Variants in CCDC73 observed in about 807,000 individuals in gnomAD.
CCDC73 encodes the protein coiled-coil domain-containing protein 73.
A neutral mutation model predicts 116.5 loss-of-function variants in CCDC73; 95 were observed. The ratio of observed to expected loss-of-function variants is 0.82; its 90% CI spans 0.69 to 0.97. The LOEUF (loss-of-function observed/expected upper bound fraction) is 0.97. Ranked by LOEUF, CCDC73 falls within the 50% of genes least tolerant of loss-of-function variation. The pLI is 0.00. For synonymous variants in CCDC73, 398 were observed against 401.3 expected (o/e 0.99, Z 0.10); for missense variants, 1,066 against 1,206.8 (o/e 0.88, Z 1.73).
At chr11:32,724,632 C>G (rs1248747787) in intron 2 of CCDC73, among the ~76,000 whole-genome samples, 1 of 151,398 alleles carries the variant, frequency 6.6e-6, no homozygotes, top group African/African-American at 2.4e-5. Context: ...TCTAGTTTTT[C>G]TTCAATAATT....
intron 2 of CCDC73, among the ~76,000 whole-genome samples, chr11:32,751,538 C>G (rs1850287532): frequency 6.6e-6 from 1 of 152,170 alleles, no homozygotes; most frequent in South Asian, 2.1e-4. Flanking sequence ...CCTGAATGCA[C>G]CCGCCATAGA....
chr11:32,737,009 C>T (rs71479177), intron 2 of CCDC73, among the ~76,000 whole-genome samples: 3 of 149,248 alleles, frequency 2.0e-5, no homozygotes, highest in African/African-American at 7.4e-5. Context: ...TATATATTCC[C>T]CAGGCTGGAC....
At chr11:32,741,624 T>A (rs930343538) in intron 2 of CCDC73, among the ~76,000 whole-genome samples, 82 of 151,834 alleles carry the variant, frequency 5.4e-4, no homozygotes, top group Non-Finnish European at 1.3e-4. Context: ...TCTTTTTTTT[T>A]AATCTATTCA....
chr11:32,603,174 A>G, intron 17 of CCDC73, 154 bp from the exon 18 acceptor site: 2 of 598,862 alleles, frequency 3.3e-6, no homozygotes, highest in Non-Finnish European at 5.8e-6. Context: ...AAAGTATACA[A>G]TGTGAATGTG....
chr11:32,710,292 T>C (rs1849888211), intron 3 of CCDC73, among the ~76,000 whole-genome samples: 1 of 152,226 alleles, frequency 6.6e-6, no homozygotes, highest in African/African-American at 2.4e-5. Context: ...CTGTATGTGC[T>C]CTTTCAGACT....
At chr11:32,617,877 T>C (rs1430202722) in intron 14 of CCDC73, among the ~76,000 whole-genome samples, 2 of 152,262 alleles carry the variant, frequency 1.3e-5, no homozygotes, top group Non-Finnish European at 2.9e-5. Context: ...CTTTTGTCTT[T>C]TAAATAATTC....
intron 12 of CCDC73, among the ~76,000 whole-genome samples, chr11:32,643,089 A>G (rs1187142515): frequency 2.0e-5 from 3 of 151,908 alleles, no homozygotes; most frequent in Non-Finnish European, 2.9e-5. Context: ...TTACATATAT[A>G]AATCCATCTC....
At chr11:32,754,422 T>C (rs887497093) in intron 2 of CCDC73, among the ~76,000 whole-genome samples, 11 of 152,068 alleles carry the variant, frequency 7.2e-5, no homozygotes, top group African/African-American at 2.7e-4. Context: ...TAGAATGACA[T>C]GGGCCAATAT....
rs1300182162 is a variant in CCDC73 at position 32,735,005 on chromosome 11, T to G, written c.136-16858A>C. 5.3e-5 allele frequency among the ~76,000 whole-genome samples: 8 copies of G among 152,312 alleles called. No individual in the cohort carries two copies. In the South Asian group the frequency reaches 1.2e-3, roughly 24 times the overall value. The stretch of plus-strand genomic sequence containing the variant: ...TAAAAACTCTCAATAAATTAGGTAT[T>G]GATGGGATGTATCTCAAAATAATAA... On this transcript the variant is annotated intron_variant, in intron 2 of 17. Coordinates refer to ENST00000335185, the MANE Select transcript of CCDC73 (RefSeq NM_001008391.4).
chr11:32,777,193 C>T (rs975749581), intron 1 of CCDC73, among the ~76,000 whole-genome samples: 3 of 149,624 alleles, frequency 2.0e-5, no homozygotes, highest in Non-Finnish European at 4.4e-5. Context: ...GCAACCTCCA[C>T]CTCCTGTGTT....
intron 1 of CCDC73, among the ~76,000 whole-genome samples, chr11:32,791,675 A>AGGC (rs1386713865): frequency 6.6e-6 from 1 of 152,198 alleles, no homozygotes; most frequent in African/African-American, 2.4e-5. Context: ...GTTCTCAGCC[A>AGGC]GGCGTGGTGG....
chr11:32,793,364 T>C (rs1327327182), intron 1 of CCDC73, among the ~76,000 whole-genome samples: 1 of 152,178 alleles, frequency 6.6e-6, no homozygotes, highest in Non-Finnish European at 1.5e-5. Context: ...TATTTCAGTA[T>C]AGATTTTTTC....
chr11:32,631,433 A>G (rs894369190), intron 14 of CCDC73, among the ~76,000 whole-genome samples: 3 of 152,216 alleles, frequency 2.0e-5, no homozygotes, highest in Non-Finnish European at 2.9e-5. Flanking sequence ...TAATAGGAAG[A>G]TATTTGGAAT....
chr11:32,665,420 C>T (rs928846467), intron 9 of CCDC73, among the ~76,000 whole-genome samples: 64 of 152,148 alleles, frequency 4.2e-4, no homozygotes, highest in Non-Finnish European at 5.0e-4. Flanking sequence ...TAATGGCCTT[C>T]TTTGTCCCTT....
chr11:32,675,765 C>T (rs1856081782), intron 8 of CCDC73, 121 bp from the exon 9 acceptor site: 18 of 1,182,726 alleles, frequency 1.5e-5, no homozygotes, highest in Non-Finnish European at 1.9e-5. Context: ...ATTTAGGTAA[C>T]AGTTATTAAC....
chr11:32,664,072 T>C (rs547476081), intron 9 of CCDC73, among the ~76,000 whole-genome samples: 34 of 152,328 alleles, frequency 2.2e-4, no homozygotes, highest in South Asian at 4.1e-4. Context: ...TGCTGCTGGA[T>C]TCGGTTTGCC....
chr11:32,618,633 A>T (rs1372929966), intron 14 of CCDC73, among the ~76,000 whole-genome samples: 3 of 152,056 alleles, frequency 2.0e-5, no homozygotes, highest in African/African-American at 7.3e-5. Flanking sequence ...GCTCACTGCA[A>T]CCTCCGCCTC....
chr11:32,734,577 C>T (rs546666651), intron 2 of CCDC73, among the ~76,000 whole-genome samples: 12 of 152,078 alleles, frequency 7.9e-5, no homozygotes, highest in South Asian at 4.2e-4. Context: ...TGCAGCCTTC[C>T]GCAGTGTTTG....
At chr11:32,693,258 T>G (rs1006937390) in intron 6 of CCDC73, among the ~76,000 whole-genome samples, 1 of 152,198 alleles carries the variant, frequency 6.6e-6, no homozygotes, top group Non-Finnish European at 1.5e-5. Context: ...GGAGGGAAGT[T>G]GCTACACGGT....
Sources: allele counts gnomAD v4.1 joint callset (sites outside exome capture counted in the v4.1 genomes callset), GRCh38; gene constraint gnomAD v4.1.1; transcripts MANE v1.5; gene names NCBI Gene and HGNC (gene_info 2026-07-23, HGNC 2026-07-21).